Variants in ARHGAP6 observed in about 807,000 individuals in gnomAD.
The protein encoded by ARHGAP6 is rho GTPase-activating protein 6.
In ARHGAP6, 16 loss-of-function variants were observed where a neutral mutation model predicts 55.7. The observed-to-expected ratio is 0.29, with a 90% CI of 0.19 to 0.44. The LOEUF is 0.44. Ranked by LOEUF, ARHGAP6 falls within the 20% of genes least tolerant of loss-of-function variation. ARHGAP6 has a pLI of 1.00. For synonymous variants in ARHGAP6, 382 were observed against 360.9 expected (o/e 1.06, Z -0.66); for missense variants, 698 against 808.9 (o/e 0.86, Z 1.66).
chrX:11,656,486 G>C (rs2052638817), intron 1 of ARHGAP6, among the ~76,000 whole-genome samples: 1 of 112,339 alleles, frequency 8.9e-6, no homozygotes, highest in African/African-American at 3.2e-5. Context: ...TGTCAGTAGA[G>C]CTATATTCCT....
chrX:11,506,756 G>C (rs948509852), intron 1 of ARHGAP6, among the ~76,000 whole-genome samples: 1 of 111,527 alleles, frequency 9.0e-6, no homozygotes, highest in Non-Finnish European at 1.9e-5. Context: ...TATATACCCA[G>C]TAATGGGATG....
At chrX:11,588,383 A>G (rs2051760921) in intron 1 of ARHGAP6, among the ~76,000 whole-genome samples, 1 of 111,871 alleles carries the variant, frequency 8.9e-6, no homozygotes, top group African/African-American at 3.3e-5. Context: ...TAGAAACATA[A>G]TATTACTGCA....
chrX:11,449,571 C>T (rs1273799174), intron 1 of ARHGAP6, among the ~76,000 whole-genome samples: 2 of 112,444 alleles, frequency 1.8e-5, no homozygotes, highest in African/African-American at 6.5e-5. Flanking sequence ...GGCTACGCTG[C>T]CCCTGTACAT....
chrX:11,200,922 G>A (rs763834240), intron 2 of ARHGAP6, among the ~76,000 whole-genome samples: 1 of 112,464 alleles, frequency 8.9e-6, no homozygotes, highest in African/African-American at 3.2e-5. Flanking sequence ...GTGACAGAAG[G>A]AAGAGTAAGG....
chrX:11,315,153 C>T (rs192278052), intron 1 of ARHGAP6, among the ~76,000 whole-genome samples: 92 of 112,493 alleles, frequency 8.2e-4, no homozygotes, highest in Non-Finnish European at 1.6e-3. Context: ...AGGTAAGTTC[C>T]TTAGCCCATA....
At chrX:11,643,679 A>C (rs1239997235) in intron 1 of ARHGAP6, among the ~76,000 whole-genome samples, 1 of 111,708 alleles carries the variant, frequency 9.0e-6, no homozygotes, top group African/African-American at 3.3e-5. Flanking sequence ...AATTTCCATT[A>C]ATAGATAGAG....
intron 1 of ARHGAP6, among the ~76,000 whole-genome samples, chrX:11,268,927 T>G (rs1041371408): frequency 4.5e-5 from 5 of 111,299 alleles, no homozygotes; most frequent in African/African-American, 1.6e-4. Flanking sequence ...GCCACTATGT[T>G]GAAGAGACCA....
intron 1 of ARHGAP6, among the ~76,000 whole-genome samples, chrX:11,636,253 T>C (rs2052418177): frequency 8.9e-6 from 1 of 111,918 alleles, no homozygotes; most frequent in Non-Finnish European, 1.9e-5. Flanking sequence ...GCCATTTATG[T>C]TCACTAAATT....
chrX:11,422,636 A>G (rs900953277), intron 1 of ARHGAP6, among the ~76,000 whole-genome samples: 2 of 112,519 alleles, frequency 1.8e-5, no homozygotes, highest in Non-Finnish European at 3.8e-5. Flanking sequence ...CAAGAACCCA[A>G]TGAAGACTTT....
At chrX:11,237,959 T>A (rs1267624514) in intron 2 of ARHGAP6, among the ~76,000 whole-genome samples, 1 of 111,577 alleles carries the variant, frequency 9.0e-6, no homozygotes, top group East Asian at 2.8e-4. Flanking sequence ...CCCTGGCCTT[T>A]ATCTACTAGA....
At chrX:11,277,298 C>G (rs5979391) in intron 1 of ARHGAP6, among the ~76,000 whole-genome samples, 31,226 of 110,202 alleles carry the variant, frequency 0.28, 3,404 homozygotes, top group Middle Eastern at 0.41. Flanking sequence ...CATTTGGGTT[C>G]TTTCCACATT....
chrX:11,280,606 A>C (rs746101939), intron 1 of ARHGAP6, among the ~76,000 whole-genome samples: 2 of 109,941 alleles, frequency 1.8e-5, no homozygotes, highest in East Asian at 5.8e-4. Flanking sequence ...TAGGCCAGGC[A>C]TGGTGGCTCA....
At chrX:11,523,478 A>G (rs2050956388) in intron 1 of ARHGAP6, among the ~76,000 whole-genome samples, 1 of 112,163 alleles carries the variant, frequency 8.9e-6, no homozygotes, top group African/African-American at 3.2e-5. Flanking sequence ...TTGTATATCT[A>G]GAATATCCCA....
At chrX:11,238,542 A>T (rs2047234058) in intron 2 of ARHGAP6, among the ~76,000 whole-genome samples, 1 of 112,203 alleles carries the variant, frequency 8.9e-6, no homozygotes, top group Admixed American at 9.4e-5. Context: ...GTGGATGAAG[A>T]GACTTACTGG....
At chrX:11,276,501 C>T (rs1054288535) in intron 1 of ARHGAP6, among the ~76,000 whole-genome samples, 14 of 111,748 alleles carry the variant, frequency 1.3e-4, no homozygotes, top group Non-Finnish European at 2.3e-4. Flanking sequence ...TAGCTAAAAT[C>T]ACTTCCAGTA....
intron 1 of ARHGAP6, among the ~76,000 whole-genome samples, chrX:11,473,745 T>C (rs1286175539): frequency 8.9e-6 from 1 of 111,947 alleles, no homozygotes; most frequent in Non-Finnish European, 1.9e-5. Context: ...TTTGTAGTCA[T>C]TTGTTTTGGC....
At chrX:11,415,929 T>C (rs778865506) in intron 1 of ARHGAP6, among the ~76,000 whole-genome samples, 2 of 111,966 alleles carry the variant, frequency 1.8e-5, no homozygotes, top group East Asian at 5.6e-4. Context: ...GATGGTTTTT[T>C]TATGCCACTG....
At chrX:11,466,436 A>G (rs373845463) in intron 1 of ARHGAP6, among the ~76,000 whole-genome samples, 1 of 111,127 alleles carries the variant, frequency 9.0e-6, no homozygotes, top group Non-Finnish European at 1.9e-5. Flanking sequence ...AAAAAAAAAA[A>G]AACTATTACC....
At chrX:11,200,595 G>T (rs1353023478) in intron 2 of ARHGAP6, among the ~76,000 whole-genome samples, 1 of 112,480 alleles carries the variant, frequency 8.9e-6, no homozygotes, top group Non-Finnish European at 1.9e-5. Context: ...TTCATTTGCT[G>T]TTAGGGATGG....
Sources: allele counts gnomAD v4.1 joint callset (sites outside exome capture counted in the v4.1 genomes callset), GRCh38; gene constraint gnomAD v4.1.1; transcripts MANE v1.5; gene names NCBI Gene and HGNC (gene_info 2026-07-23, HGNC 2026-07-21).